IGFBP7: variants seen among roughly 807,000 people sequenced by gnomAD.
IGFBP7 encodes insulin like growth factor binding protein 7.
IGFBP7 carries 31 observed loss-of-function variants against 29.4 expected under a neutral mutation model. The ratio of observed to expected loss-of-function variants is 1.05; its 90% CI spans 0.79 to 1.42. The LOEUF (loss-of-function observed/expected upper bound fraction) is 1.42, where lower values mean the gene tolerates loss of function less well. IGFBP7 is among the 40% of genes most tolerant of loss of function. The pLI is 0.00. For synonymous variants in IGFBP7, 172 were observed against 174.9 expected, an observed-to-expected ratio of 0.98 and a Z score of 0.13; for missense variants, 393 against 395.5, an observed-to-expected ratio of 0.99 and a Z score of 0.05.
intron 1 of IGFBP7, among the ~76,000 whole-genome samples, chr4:57,059,258 GGGA>G (rs1724740478): frequency 2.0e-5 from 3 of 152,112 alleles, no homozygotes; most frequent in African/African-American, 7.2e-5. Flanking sequence ...TATACCCAGA[GGGA>G]CATAAATCAT....
chr4:57,072,846 TC>T, intron 1 of IGFBP7: 1 of 610,298 alleles, frequency 1.6e-6, no homozygotes. Flanking sequence ...TCCCTAGAGC[TC>T]CCCAGGGGCT....
chr4:57,076,109 G>A (rs1725219009), intron 1 of IGFBP7, among the ~76,000 whole-genome samples: 1 of 152,124 alleles, frequency 6.6e-6, no homozygotes, highest in South Asian at 2.1e-4. Flanking sequence ...TTCTGGGGAG[G>A]CCCACTTCTT....
In IGFBP7 at chr4:57,070,158, T is replaced by C. The variant is rs540829341; in HGVS notation, c.476-29225A>G. ...TTCAGCACCAGCCCTCTGTAGGTCC[T>C]GGGAATCTTAAGTGAGTCTTTCCTC... On this transcript the variant is annotated intron_variant, in intron 1 of 4. Coordinates refer to ENST00000295666, the MANE Select transcript of IGFBP7 (RefSeq NM_001553.3). Among the ~76,000 whole-genome samples, 172 of 152,370 alleles carry C rather than the reference T, an allele frequency of 1.1e-3. 4 individuals are homozygous for C. In the South Asian group the frequency reaches 0.035, roughly 31 times the overall value.
At chr4:57,071,200 A>G (rs922546107) in intron 1 of IGFBP7, among the ~76,000 whole-genome samples, 3 of 143,846 alleles carry the variant, frequency 2.1e-5, no homozygotes, top group African/African-American at 7.7e-5. Context: ...TGTTTTTGAT[A>G]TATTGGGGGG....
intron 2 of IGFBP7, among the ~76,000 whole-genome samples, chr4:57,033,927 C>T (rs1277309): frequency 0.89 from 135,510 of 152,020 alleles, 60,459 homozygotes; most frequent in East Asian, 0.97. Flanking sequence ...GGCGAGCACC[C>T]GTAGTCCCAG....
At chr4:57,102,237 T>C (rs1329079035) in intron 1 of IGFBP7, among the ~76,000 whole-genome samples, 3 of 152,164 alleles carry the variant, frequency 2.0e-5, no homozygotes, top group Admixed American at 6.5e-5. Context: ...GAGAGCCTTA[T>C]AAGGCGGTTT....
intron 1 of IGFBP7, among the ~76,000 whole-genome samples, chr4:57,049,739 A>G (rs2109753314): frequency 6.6e-6 from 1 of 152,272 alleles, no homozygotes; most frequent in Non-Finnish European, 1.5e-5. Context: ...ATCCTGTCGG[A>G]ATCAGAACAG....
intron 1 of IGFBP7, among the ~76,000 whole-genome samples, chr4:57,073,421 C>A (rs376285292): frequency 9.9e-5 from 15 of 151,630 alleles, no homozygotes; most frequent in African/African-American, 3.6e-4. Context: ...ATAGCAAAAC[C>A]CTGTCTCCAT....
At chr4:57,038,255 G>T (rs1724130652) in intron 2 of IGFBP7, among the ~76,000 whole-genome samples, 1 of 152,240 alleles carries the variant, frequency 6.6e-6, no homozygotes, top group Non-Finnish European at 1.5e-5. Flanking sequence ...CAATGCAGCA[G>T]GGAGAAGGGA....
chr4:57,050,386 A>G (rs1724475675), intron 1 of IGFBP7, among the ~76,000 whole-genome samples: 1 of 151,946 alleles, frequency 6.6e-6, no homozygotes, highest in Non-Finnish European at 1.5e-5. Context: ...CTGGGATTAC[A>G]GGCAGCCATC....
At chr4:57,086,580 A>T (rs945391334) in intron 1 of IGFBP7, among the ~76,000 whole-genome samples, 1 of 151,886 alleles carries the variant, frequency 6.6e-6, no homozygotes. Flanking sequence ...GTTCCAACCC[A>T]CTTATATTTT....
chr4:57,073,711 C>T (rs1914740), intron 1 of IGFBP7, among the ~76,000 whole-genome samples: 63,344 of 152,118 alleles, frequency 0.42, 14,663 homozygotes, highest in Admixed American at 0.57. Context: ...CAAACAGCCC[C>T]CTAAGCTTCC....
In IGFBP7 at chr4:57,031,294, C is replaced by A. The variant is rs762427126; in HGVS notation, c.*23G>T. 2.5e-6 allele frequency: 4 copies of A among 1,593,052 alleles called. No individual in the cohort carries two copies. In the African/African-American group the frequency reaches 4.0e-5, roughly 16 times the overall value. On this transcript the variant is annotated 3_prime_UTR_variant, in exon 5 of 5. Transcript: ENST00000295666. ...TTATCCATGACTACTTTTAACCATG[C>A]AGACTAATAATATTCTGGAGGTTTA... is the stretch of plus-strand genomic sequence containing the variant.
chr4:57,109,675 C>A (rs1726123093), intron 1 of IGFBP7: 2 of 627,636 alleles, frequency 3.2e-6, no homozygotes, highest in Non-Finnish European at 5.2e-6. Context: ...AATAAAACCA[C>A]CAAAAAGGAG....
intron 4 of IGFBP7, chr4:57,032,164 C>G (rs1723947641): frequency 1.4e-6 from 1 of 703,112 alleles, no homozygotes; most frequent in South Asian, 3.9e-5. Flanking sequence ...AAATAGAAGC[C>G]ATTCCAGGCA....
intron 1 of IGFBP7, among the ~76,000 whole-genome samples, chr4:57,051,359 G>A (rs1724498818): frequency 6.6e-6 from 1 of 152,214 alleles, no homozygotes; most frequent in Admixed American, 6.5e-5. Context: ...TACTGGCTGA[G>A]GACAGCAGGG....
intron 1 of IGFBP7, among the ~76,000 whole-genome samples, chr4:57,057,034 C>T (rs956175794): frequency 6.6e-6 from 1 of 152,000 alleles, no homozygotes; most frequent in African/African-American, 2.4e-5. Context: ...GAGACAGGCT[C>T]TCACTCTGTT....
chr4:57,068,995 G>T (rs1285133803), intron 1 of IGFBP7, among the ~76,000 whole-genome samples: 1 of 150,978 alleles, frequency 6.6e-6, no homozygotes, highest in Non-Finnish European at 1.5e-5. Flanking sequence ...AGCCTTTCTG[G>T]CCAAGATTGG....
At chr4:57,103,626 T>C (rs1355993567) in intron 1 of IGFBP7, among the ~76,000 whole-genome samples, 1 of 151,334 alleles carries the variant, frequency 6.6e-6, no homozygotes, top group African/African-American at 2.4e-5. Context: ...TTAAAGTCTA[T>C]GATCTTAGAA....
Sources: gnomAD v4.1 joint callset for allele counts (sites outside exome capture counted in the v4.1 genomes callset) on GRCh38, gnomAD v4.1.1 for gene constraint, MANE v1.5 for transcripts, NCBI Gene and HGNC (gene_info 2026-07-23, HGNC 2026-07-21) for gene names.